The following RIC8B variants were observed in gnomAD, a reference collection of about 807,000 sequenced individuals.
RIC8B encodes RIC8 guanine nucleotide exchange factor B, also known as chaperone Ric-8B.
A neutral mutation model predicts 57.5 loss-of-function variants in RIC8B; 16 were observed. The observed-to-expected ratio is 0.28, with a 90% CI of 0.19 to 0.42. The LOEUF (loss-of-function observed/expected upper bound fraction) is 0.42, where lower values mean the gene tolerates loss of function less well. Among genes scored for constraint, RIC8B ranks in the 10% least tolerant of loss-of-function variants. The pLI, the probability that RIC8B is intolerant of heterozygous loss-of-function variation, is 1.00. For synonymous variants in RIC8B, 216 were observed against 250.8 expected, an observed-to-expected ratio of 0.86 and a Z score of 1.31; for missense variants, 481 against 677.0, an observed-to-expected ratio of 0.71 and a Z score of 3.21.
At chr12:106,865,377 A>G (rs1950098568) in intron 8 of RIC8B, among the ~76,000 whole-genome samples, 1 of 152,186 alleles carries the variant, frequency 6.6e-6, no homozygotes, top group Admixed American at 6.6e-5. Context: ...AAGCCAATCA[A>G]AGAGAGAAAT....
At chr12:106,884,129 C>T (rs1486577344) in intron 9 of RIC8B, among the ~76,000 whole-genome samples, 1 of 152,260 alleles carries the variant, frequency 6.6e-6, no homozygotes, top group Admixed American at 6.5e-5. Flanking sequence ...CCTCACTTGA[C>T]AGTGCCCTCC....
intron 3 of RIC8B, among the ~76,000 whole-genome samples, chr12:106,820,705 A>T (rs2045800646): frequency 6.6e-6 from 1 of 152,216 alleles, no homozygotes; most frequent in African/African-American, 2.4e-5. Flanking sequence ...ATACCATTTA[A>T]ATGAGATAAA....
intron 8 of RIC8B, among the ~76,000 whole-genome samples, chr12:106,860,986 A>G (rs573671179): frequency 1.5e-5 from 2 of 136,324 alleles, no homozygotes; most frequent in East Asian, 3.9e-4. Context: ...GACTCTGTGA[A>G]GTCTTCTCTG....
chr12:106,809,007 C>G (rs2045198622), intron 2 of RIC8B, among the ~76,000 whole-genome samples: 1 of 152,008 alleles, frequency 6.6e-6, no homozygotes, highest in African/African-American at 2.4e-5. Context: ...TATTCTGGAG[C>G]TCAAAGAAGG....
intron 6 of RIC8B, among the ~76,000 whole-genome samples, chr12:106,848,041 A>C (rs894438427): frequency 1.3e-5 from 2 of 152,160 alleles, no homozygotes; most frequent in South Asian, 2.1e-4. Context: ...AGGTTCTGGC[A>C]GAGTAAGGAG....
Position 106,774,710 on chromosome 12 carries a change from G to C in RIC8B, c.-36G>C. 6.6e-7 allele frequency: 1 copy of C among 1,516,832 alleles called. No homozygotes were observed. The highest frequency in any genetic ancestry group is 2.0e-5 in the Admixed American group (1 of 49,834). 94.0% of individuals were successfully genotyped at this position (1,516,832 alleles called of 1,614,324 possible). A position where few individuals can be genotyped will look rare whatever the true frequency, so the allele number is the denominator to read the frequency against. The stretch of plus-strand genomic sequence containing the variant: ...TTTACCTGGAGGCAGCGGCTTGGGC[G>C]CGCAGAGCGGCCGCGGCTCCCCCGC... On this transcript the variant is annotated 5_prime_UTR_variant, in exon 1 of 10. Coordinates refer to ENST00000392837, the MANE Select transcript of RIC8B (RefSeq NM_001330145.2).
chr12:106,788,695 GC>G (rs777935472), intron 2 of RIC8B, among the ~76,000 whole-genome samples: 43 of 152,298 alleles, frequency 2.8e-4, no homozygotes, highest in Middle Eastern at 6.8e-3. Flanking sequence ...TTTAGCAATG[GC>G]TGGAGCATCT....
At chr12:106,800,923 C>G (rs772759085) in intron 2 of RIC8B, among the ~76,000 whole-genome samples, 7 of 152,142 alleles carry the variant, frequency 4.6e-5, no homozygotes, top group Non-Finnish European at 7.4e-5. Context: ...CAGTGTTCAT[C>G]TTGCAGCCTT....
At chr12:106,868,096 C>CTCTT (rs1950216450) in intron 8 of RIC8B, among the ~76,000 whole-genome samples, 1 of 152,202 alleles carries the variant, frequency 6.6e-6, no homozygotes, top group African/African-American at 2.4e-5. Flanking sequence ...TTCCACCAAG[C>CTCTT]TCTTAAGAGA....
intron 2 of RIC8B, among the ~76,000 whole-genome samples, chr12:106,811,186 A>G (rs750009202): frequency 2.0e-4 from 30 of 152,234 alleles, no homozygotes; most frequent in Non-Finnish European, 3.8e-4. Flanking sequence ...TCTTTAGCAC[A>G]TGGCAGTGAA....
intron 3 of RIC8B, among the ~76,000 whole-genome samples, chr12:106,825,300 G>A (rs951395574): frequency 6.6e-6 from 1 of 152,170 alleles, no homozygotes; most frequent in Non-Finnish European, 1.5e-5. Context: ...AATGAAGTTC[G>A]TGGATTTATT....
At chr12:106,850,189 C>T (rs1030227793) in intron 6 of RIC8B, among the ~76,000 whole-genome samples, 39 of 152,288 alleles carry the variant, frequency 2.6e-4, no homozygotes, top group African/African-American at 8.9e-4. Flanking sequence ...ATCTTGAAAC[C>T]ACCCACCAAG....
At chr12:106,863,607 A>G (rs1011776084) in intron 8 of RIC8B, among the ~76,000 whole-genome samples, 11 of 152,004 alleles carry the variant, frequency 7.2e-5, no homozygotes, top group Admixed American at 4.6e-4. Context: ...GGACATGAAG[A>G]TTTTTCTCTT....
At chr12:106,811,122 G>A (rs556196924) in intron 2 of RIC8B, among the ~76,000 whole-genome samples, 17 of 152,296 alleles carry the variant, frequency 1.1e-4, no homozygotes, top group South Asian at 6.2e-4. Context: ...GTTAAGAAAC[G>A]TAATGTGACA....
chr12:106,846,382 T>C (rs893191397), intron 6 of RIC8B, among the ~76,000 whole-genome samples: 2 of 152,192 alleles, frequency 1.3e-5, no homozygotes, highest in Non-Finnish European at 2.9e-5. Flanking sequence ...TTTCCCTCTG[T>C]ATTTATGGTC....
chr12:106,882,038 A>G (rs984975722), intron 9 of RIC8B, among the ~76,000 whole-genome samples: 3 of 152,186 alleles, frequency 2.0e-5, no homozygotes, highest in Non-Finnish European at 4.4e-5. Context: ...AACTCTTTCA[A>G]TATTGTTTAA....
At chr12:106,812,956 C>T (rs1461607969) in intron 2 of RIC8B, among the ~76,000 whole-genome samples, 8 of 152,056 alleles carry the variant, frequency 5.3e-5, no homozygotes, top group Non-Finnish European at 1.2e-4. Flanking sequence ...GCAATACAGT[C>T]ATCCCTCTGT....
intron 2 of RIC8B, among the ~76,000 whole-genome samples, chr12:106,807,824 G>A (rs1197105118): frequency 6.6e-6 from 1 of 152,188 alleles, no homozygotes; most frequent in Non-Finnish European, 1.5e-5. Flanking sequence ...TGTAGCTCAT[G>A]CCTGTAATCC....
chr12:106,800,139 C>G (rs1479895080), intron 2 of RIC8B, among the ~76,000 whole-genome samples: 1 of 152,096 alleles, frequency 6.6e-6, no homozygotes, highest in Non-Finnish European at 1.5e-5. Context: ...ATGACTTCAC[C>G]TAACCCCACT....
Sources: allele counts gnomAD v4.1 joint callset (sites outside exome capture counted in the v4.1 genomes callset), GRCh38; gene constraint gnomAD v4.1.1; transcripts MANE v1.5; gene names NCBI Gene and HGNC (gene_info 2026-07-23, HGNC 2026-07-21).